LIMK1: variants seen among roughly 807,000 people sequenced by gnomAD.
The protein encoded by LIMK1 is LIM domain kinase 1, also known as LIM motif-containing protein kinase.
Under a neutral mutation model 77.6 loss-of-function variants are expected in LIMK1, and 21 were observed. The ratio of observed to expected loss-of-function variants is 0.27; its 90% CI spans 0.19 to 0.39. The LOEUF (loss-of-function observed/expected upper bound fraction) is 0.39. Among genes scored for constraint, LIMK1 ranks in the 10% least tolerant of loss-of-function variants. LIMK1 has a pLI of 1.00. For missense variants in LIMK1, 696 were observed against 901.6 expected (o/e 0.77, Z 2.92); for synonymous variants, 358 against 370.0 (o/e 0.97, Z 0.37).
chr7:74,106,470 C>G (rs782183849), intron 7 of LIMK1, among the ~76,000 whole-genome samples: 1 of 152,104 alleles, frequency 6.6e-6, no homozygotes, highest in African/African-American at 2.4e-5. Context: ...TTTAAAAAGC[C>G]GGGGACGGGG....
chr7:74,103,686 G>A (rs1258748001), intron 5 of LIMK1, among the ~76,000 whole-genome samples: 9 of 152,138 alleles, frequency 5.9e-5, no homozygotes, highest in South Asian at 2.1e-4. Context: ...TGCCTGTAGC[G>A]ATTATTACTA....
intron 9 of LIMK1, among the ~76,000 whole-genome samples, chr7:74,108,287 A>G (rs935676367): frequency 5.9e-5 from 9 of 152,040 alleles, no homozygotes; most frequent in Admixed American, 4.6e-4. Context: ...GCAATGAGCC[A>G]TGATCGCACC....
chr7:74,099,050 G>C lies in LIMK1; in HGVS notation c.420G>C (p.Gln140His), dbSNP rs782695636. The C allele has an allele frequency of 1.2e-6, 2 of 1,611,986 alleles. No individual in the cohort carries two copies. Among genetic ancestry groups the C allele is most frequent in the African/African-American group, 2.7e-5 (2 of 74,894 alleles). ...SKLYCGHCYY[Q>H]TVVTPVIEQI... ...CTTGCAGCGGGCACTGCTACTACCA[G>C]ACTGTGGTGACCCCCGTCATCGAGC... The change falls in exon 5 of 16, where the codon CAG becomes CAC. Residue 140 changes from glutamine (Q) to histidine (H), a missense_variant. Physicochemically the swap from Gln to His is conservative, Grantham distance 24 (BLOSUM62 0). Coordinates refer to ENST00000336180, the MANE Select transcript of LIMK1 (RefSeq NM_002314.4).
intron 5 of LIMK1, among the ~76,000 whole-genome samples, chr7:74,100,230 C>T (rs544955443): frequency 7.0e-4 from 107 of 152,190 alleles, no homozygotes; most frequent in African/African-American, 2.5e-3. Context: ...GAGCAAAACC[C>T]TGTCTCAAAA....
intron 2 of LIMK1, among the ~76,000 whole-genome samples, chr7:74,090,059 G>A (rs539247309): frequency 1.3e-5 from 2 of 152,104 alleles, no homozygotes; most frequent in Non-Finnish European, 2.9e-5. Flanking sequence ...AGGCATGTTT[G>A]TGCTGTCCCT....
At chr7:74,089,883 G>A (rs1799204546) in intron 2 of LIMK1, among the ~76,000 whole-genome samples, 1 of 152,072 alleles carries the variant, frequency 6.6e-6, no homozygotes, top group African/African-American at 2.4e-5. Context: ...TCTGCGGTGA[G>A]GGGGGAGATG....
Position 74,109,320 on chromosome 7 carries a change from A to G in LIMK1, c.1284+284A>G, listed in dbSNP as rs1211704022. The G allele has an allele frequency of 3.9e-5, 16 of 407,572 alleles. No homozygotes were observed. The East Asian group carries it at 8.6e-4, about 22-fold the overall frequency. The allele number at this position is 407,572 out of a possible 1,614,324, so 25.2% of individuals were successfully genotyped here. On this transcript the variant is annotated intron_variant, in intron 10 of 15. Coordinates refer to ENST00000336180, the MANE Select transcript of LIMK1 (RefSeq NM_002314.4). ...GGCTGCAGTGAGCTGTGATCTCACC[A>G]CTGCACTCCAGCCTGGACCACACAG... is the stretch of plus-strand genomic sequence containing the variant.
rs1554695020 is a variant in LIMK1, at chr7:74,093,147, G to T, written c.153-3475G>T. ...TGCAGCCACGCTGGCCCCACCCTCTGCAGCCTCCAATCCTGAGCCCCTGAG... is the reference window on the plus strand; with the variant it reads ...TGCAGCCACGCTGGCCCCACCCTCTTCAGCCTCCAATCCTGAGCCCCTGAG... On this transcript the variant is annotated intron_variant, in intron 2 of 15. Transcript: ENST00000336180. 4 of 1,482,158 alleles carry T rather than the reference G, an allele frequency of 2.7e-6. No individual in the cohort carries two copies. The South Asian group carries it at 4.0e-5, about 15-fold the overall frequency. 91.8% of individuals were successfully genotyped at this position (1,482,158 alleles called of 1,614,324 possible).
chr7:74,097,493 T>C (rs1200920073), intron 4 of LIMK1, among the ~76,000 whole-genome samples: 1 of 152,142 alleles, frequency 6.6e-6, no homozygotes, highest in East Asian at 1.9e-4. Flanking sequence ...CTGGCCAACA[T>C]GGTGGAACCC....
At chr7:74,088,671 A>G (rs1371705118) in intron 2 of LIMK1, among the ~76,000 whole-genome samples, 2 of 151,958 alleles carry the variant, frequency 1.3e-5, no homozygotes, top group Non-Finnish European at 2.9e-5. Context: ...GCATGGTGGC[A>G]CATGACTGTA....
In LIMK1 at chr7:74,096,695, T is replaced by C; in HGVS notation, c.226T>C (p.Tyr76His). Reference sequence around the variant, plus strand: ...TGGGCAGCTCTTCTGCAAGAAGGACTACTGGGCCCGCTATGGCGAGTCCTG... The same window carrying C: ...TGGGCAGCTCTTCTGCAAGAAGGACCACTGGGCCCGCTATGGCGAGTCCTG... ...KDGQLFCKKD[Y>H]WARYGESCHG... The change falls in exon 3 of 16, where the codon TAC becomes CAC. Residue 76 changes from tyrosine (Y) to histidine (H), a missense_variant. Tyr to His is a moderately conservative substitution (Grantham distance 83). Coordinates refer to ENST00000336180, the MANE Select transcript of LIMK1 (RefSeq NM_002314.4). 6.2e-7 allele frequency: 1 copy of C among 1,614,042 alleles called. No individual in the cohort carries two copies. The highest frequency in any genetic ancestry group is 8.5e-7 in the Non-Finnish European group (1 of 1,179,994).
At chr7:74,095,982 T>TTTTTTTTTTTTTTTA in intron 2 of LIMK1, among the ~76,000 whole-genome samples, 1 of 149,948 alleles carries the variant, frequency 6.7e-6, no homozygotes, top group African/African-American at 2.5e-5. Context: ...TTTTTTTTTT[T>TTTTTTTTTTTTTTTA]GGAGACAGAG....
At chr7:74,093,183 G>GA in intron 2 of LIMK1, 1 of 1,525,570 alleles carries the variant, frequency 6.6e-7, no homozygotes, top group Non-Finnish European at 8.8e-7. Flanking sequence ...GGAGGATGGG[G>GA]AAGCAGCTGG....
intron 13 of LIMK1, among the ~76,000 whole-genome samples, chr7:74,119,179 G>A (rs1024067631): frequency 2.0e-5 from 3 of 149,736 alleles, no homozygotes; most frequent in African/African-American, 2.5e-5. Flanking sequence ...CACCGTGCCC[G>A]GCCAGTTTTT....
rs1224257963 is a variant in LIMK1, at chr7:74,102,082, C to T, written c.608+2844C>T. Among the ~76,000 whole-genome samples, 4 of 152,136 alleles carry T rather than the reference C, an allele frequency of 2.6e-5. No homozygotes were observed. In the East Asian group the frequency reaches 7.7e-4, roughly 29 times the overall value. On this transcript the variant is annotated intron_variant, in intron 5 of 15. Coordinates refer to ENST00000336180, the MANE Select transcript of LIMK1 (RefSeq NM_002314.4). ...CAAGCAATCCTCCCACATTGGCTTC[C>T]CAAAGTGCTAGGATTACAAGCGTGA... is the stretch of plus-strand genomic sequence containing the variant.
In LIMK1 at chr7:74,107,933, G is replaced by C. The variant is rs1554697922; in HGVS notation, c.1128G>C (p.Glu376Asp). 6 of 1,571,978 alleles carry C rather than the reference G, an allele frequency of 3.8e-6. No individual in the cohort carries two copies. In the South Asian group the frequency reaches 7.0e-5, roughly 18 times the overall value. ...VMKELIRFDE[E>D]TQRTFLKEVK... ...AGGAGCTGATCCGGTTCGACGAGGA[G>C]ACCCAGAGGACGTTCCTCAAGGAGG... The change falls in exon 9 of 16, where the codon GAG becomes GAC. Residue 376 changes from glutamate (E) to aspartate (D), a missense_variant. Physicochemically the swap from Glu to Asp is conservative, Grantham distance 45. This residue lies in a region of LIMK1 where 438 missense variants were observed against 602.3 expected (regional missense o/e 0.73). Coordinates refer to ENST00000336180, the MANE Select transcript of LIMK1 (RefSeq NM_002314.4).
chr7:74,102,683 A>G (rs1277253907), intron 5 of LIMK1, among the ~76,000 whole-genome samples: 1 of 151,210 alleles, frequency 6.6e-6, no homozygotes, highest in Non-Finnish European at 1.5e-5. Flanking sequence ...ATTGTATCTT[A>G]TAGTTCAGTG....
At chr7:74,116,944 T>C (rs1391521902) in intron 13 of LIMK1, among the ~76,000 whole-genome samples, 1 of 151,950 alleles carries the variant, frequency 6.6e-6, no homozygotes, top group Non-Finnish European at 1.5e-5. Flanking sequence ...TGCAGTGGCG[T>C]GATCTCAGCT....
rs1799127623 is a variant in LIMK1 at position 74,085,848 on chromosome 7, G to A, written c.152+4G>A. Reference sequence around the variant, plus strand: ...ACTGGCACGCAGACTGCTTCAGGTAGGGTGGGGTGCCCAGGGCCTGTGTTG... The same window carrying A: ...ACTGGCACGCAGACTGCTTCAGGTAAGGTGGGGTGCCCAGGGCCTGTGTTG... On this transcript the variant is annotated splice_donor_region_variant and intron_variant, in intron 2 of 15. Coordinates refer to ENST00000336180, the MANE Select transcript of LIMK1 (RefSeq NM_002314.4). 1.9e-6 allele frequency: 3 copies of A among 1,549,134 alleles called. No homozygotes were observed. The African/African-American group carries it at 4.1e-5, about 21-fold the overall frequency.
Sources: gnomAD v4.1 joint callset for allele counts (sites outside exome capture counted in the v4.1 genomes callset) on GRCh38, gnomAD v4.1.1 for gene constraint, gnomAD v4.1.1 regional missense constraint, MANE v1.5 for transcripts, NCBI Gene and HGNC (gene_info 2026-07-23, HGNC 2026-07-21) for gene names.